INTS9: variants seen among roughly 807,000 people sequenced by gnomAD.
INTS9 encodes integrator complex subunit 9.
INTS9 carries 55 observed loss-of-function variants against 79.7 expected under a neutral mutation model. That is an observed-to-expected ratio of 0.69 (90% CI 0.56 to 0.86). The LOEUF (loss-of-function observed/expected upper bound fraction) is 0.86. Ranked by LOEUF, INTS9 falls within the 40% of genes least tolerant of loss-of-function variation. The probability of loss-of-function intolerance (pLI) is 0.00; values close to 1 mark genes in which losing one functional copy is unlikely to be tolerated. For synonymous variants in INTS9, 319 were observed against 325.2 expected, an observed-to-expected ratio of 0.98 and a Z score of 0.20; for missense variants, 721 against 831.5, an observed-to-expected ratio of 0.87 and a Z score of 1.64.
intron 1 of INTS9, among the ~76,000 whole-genome samples, chr8:28,864,985 CA>C (rs767728666): frequency 0.014 from 916 of 65,180 alleles, 4 homozygotes; most frequent in African/African-American, 0.039. Flanking sequence ...GACACCGTCT[CA>C]AAAAAAAAAA....
intron 1 of INTS9, among the ~76,000 whole-genome samples, chr8:28,860,680 T>C (rs981566897): frequency 2.6e-5 from 4 of 152,328 alleles, no homozygotes; most frequent in South Asian, 2.1e-4. Context: ...GGTTTCACCA[T>C]GTTGGCCAGG....
chr8:28,768,925 C>A (rs1802365915), intron 16 of INTS9, among the ~76,000 whole-genome samples: 1 of 152,296 alleles, frequency 6.6e-6, no homozygotes, highest in Middle Eastern at 3.4e-3. Context: ...TGGACAGGTG[C>A]TTGCTCCTTC....
intron 2 of INTS9, 136 bp downstream of exon 2, chr8:28,859,300 A>G: frequency 1.0e-6 from 1 of 973,514 alleles, no homozygotes; most frequent in Non-Finnish European, 1.5e-6. Context: ...AAAGGAAATT[A>G]TTTTGATAAA....
chr8:28,829,545 T>A lies in INTS9; in HGVS notation c.488+5747A>T, dbSNP rs530525598. On this transcript the variant is annotated intron_variant, in intron 6 of 16. Transcript: ENST00000521022. ...AATGATTTATGAGAATTTGTCAGAT[T>A]CTTCTGAGTTTGAAAGTTTCTAATT... Among the ~76,000 whole-genome samples the A allele has an allele frequency of 3.3e-5, 5 of 152,346 alleles. No individual in the cohort carries two copies. In the South Asian group the frequency reaches 6.2e-4, roughly 19 times the overall value.
At chr8:28,795,821 T>C (rs970803194) in intron 9 of INTS9, among the ~76,000 whole-genome samples, 1 of 152,176 alleles carries the variant, frequency 6.6e-6, no homozygotes, top group Non-Finnish European at 1.5e-5. Flanking sequence ...AGTATTTTGT[T>C]ACGGCAGCCC....
chr8:28,882,532 T>TAAAAAA (rs369293166), intron 1 of INTS9, among the ~76,000 whole-genome samples: 29 of 63,294 alleles, frequency 4.6e-4, no homozygotes, highest in Non-Finnish European at 5.2e-4. Context: ...TATTAACAGC[T>TAAAAAA]AAAAAAAAAA....
chr8:28,876,542 C>G (rs973565657), intron 1 of INTS9, among the ~76,000 whole-genome samples: 8 of 152,132 alleles, frequency 5.3e-5, no homozygotes, highest in African/African-American at 1.9e-4. Context: ...AAATTTCAAG[C>G]CAAAAGTCAG....
intron 6 of INTS9, among the ~76,000 whole-genome samples, chr8:28,834,210 G>T (rs1047384087): frequency 6.6e-6 from 1 of 152,084 alleles, no homozygotes; most frequent in Admixed American, 6.5e-5. Flanking sequence ...TTAGATCAAG[G>T]CTTTGTCATC....
chr8:28,842,267 T>A (rs917154778), intron 4 of INTS9, among the ~76,000 whole-genome samples: 1 of 151,824 alleles, frequency 6.6e-6, no homozygotes. Context: ...GGGGAAGAAG[T>A]GTAGGAGGTA....
chr8:28,865,294 A>T (rs1808677710), intron 1 of INTS9, among the ~76,000 whole-genome samples: 1 of 151,900 alleles, frequency 6.6e-6, no homozygotes, highest in Admixed American at 6.6e-5. Context: ...TCACTGAATT[A>T]AAAAAAGTAG....
chr8:28,809,140 G>T (rs867290974), intron 8 of INTS9, among the ~76,000 whole-genome samples: 29 of 151,884 alleles, frequency 1.9e-4, no homozygotes, highest in Non-Finnish European at 2.2e-4. Context: ...TTAACTTTTC[G>T]TAGAGATGGG....
At chr8:28,807,017 C>T (rs1399749910) in intron 8 of INTS9, among the ~76,000 whole-genome samples, 2 of 151,966 alleles carry the variant, frequency 1.3e-5, no homozygotes, top group South Asian at 2.1e-4. Flanking sequence ...ACAACCAAAA[C>T]GATTAAAAGC....
chr8:28,821,132 GA>G (rs1293760866), intron 6 of INTS9, among the ~76,000 whole-genome samples: 1 of 152,052 alleles, frequency 6.6e-6, no homozygotes, highest in Non-Finnish European at 1.5e-5. Context: ...AGATGGCAAG[GA>G]AACAATCAAA....
chr8:28,776,416 G>A (rs1268293570), intron 13 of INTS9: 2 of 139,746 alleles, frequency 1.4e-5, no homozygotes, highest in Admixed American at 7.5e-5. Flanking sequence ...CAACCAAGGA[G>A]CAGAGGCAGA....
chr8:28,845,357 C>T (rs1204143764), intron 4 of INTS9, among the ~76,000 whole-genome samples: 1 of 152,176 alleles, frequency 6.6e-6, no homozygotes, highest in Admixed American at 6.5e-5. Flanking sequence ...TCCAATCATA[C>T]AAGACCTGGC....
chr8:28,844,162 T>C (rs1807358807), intron 4 of INTS9, among the ~76,000 whole-genome samples: 1 of 151,962 alleles, frequency 6.6e-6, no homozygotes, highest in African/African-American at 2.4e-5. Context: ...GATTAAATAC[T>C]GAATCTTAAT....
intron 5 of INTS9, among the ~76,000 whole-genome samples, chr8:28,837,128 T>TC (rs1806850180): frequency 6.6e-6 from 1 of 152,214 alleles, no homozygotes; most frequent in Non-Finnish European, 1.5e-5. Context: ...GCAGTTTTAC[T>TC]CCTAGACTGC....
chr8:28,885,773 C>T (rs1193069309), intron 1 of INTS9, among the ~76,000 whole-genome samples: 2 of 152,186 alleles, frequency 1.3e-5, no homozygotes, highest in Non-Finnish European at 2.9e-5. Context: ...CTATCCTTAG[C>T]TGAACTGGCC....
chr8:28,813,770 T>C (rs1453726928), intron 6 of INTS9, 158 bp from the exon 7 acceptor site: 2 of 821,778 alleles, frequency 2.4e-6, no homozygotes, highest in Non-Finnish European at 3.7e-6. Flanking sequence ...TTTTTATTTT[T>C]ACTTTTTTTG....
Sources: allele counts gnomAD v4.1 joint callset (sites outside exome capture counted in the v4.1 genomes callset), GRCh38; gene constraint gnomAD v4.1.1; transcripts MANE v1.5; gene names NCBI Gene and HGNC (gene_info 2026-07-23, HGNC 2026-07-21).